POLG: variants seen among roughly 807,000 people sequenced by gnomAD.
POLG encodes DNA polymerase gamma, catalytic subunit, also known as DNA polymerase subunit gamma-1.
In POLG, 110 loss-of-function variants were observed where a neutral mutation model predicts 155.4. The observed-to-expected ratio is 0.71, with a 90% CI of 0.61 to 0.83. The LOEUF (loss-of-function observed/expected upper bound fraction) is 0.83, where lower values mean the gene tolerates loss of function less well. POLG is among the 40% of genes least tolerant of loss of function. POLG has a pLI of 0.00. For missense variants in POLG, 1,685 were observed against 1,627.5 expected, an observed-to-expected ratio of 1.04 and a Z score of -0.61; for synonymous variants, 701 against 631.5, an observed-to-expected ratio of 1.11 and a Z score of -1.65.
chr15:89,333,107 G>C lies in POLG; in HGVS notation c.648C>G (p.Ser216=). 1.3e-6 allele frequency: 2 copies of C among 1,519,292 alleles called. No individual in the cohort carries two copies. Among genetic ancestry groups the C allele is most frequent in the Non-Finnish European group, 1.8e-6 (2 of 1,133,612 alleles). The allele number at this position is 1,519,292 out of a possible 1,614,324, so 94.1% of individuals were successfully genotyped here. A position where few individuals can be genotyped will look rare whatever the true frequency, so the allele number is the denominator to read the frequency against. ...GTCPTLAVAI[S]PSAWYSWCSQ... The stretch of plus-strand genomic sequence containing the variant: ...CTGCCCCTACTTACCAGGCCGAGGG[G>C]GATATGGCCACCGCCAATGTGGGGC... Residue 216 remains serine, a synonymous_variant, in exon 2 of 23, where the codon TCC becomes TCG. Transcript: ENST00000268124.
At position 89,322,461 on chromosome 15, in the gene POLG, T is replaced by C. The variant is rs3176205; in HGVS notation, c.2426+281A>G. 0.36 allele frequency among the ~76,000 whole-genome samples: 54,877 copies of C among 152,164 alleles called. 10,200 individuals carry two copies. The highest frequency in any genetic ancestry group is 0.39 in the Non-Finnish European group (26,823 of 67,970). On this transcript the variant is annotated intron_variant, in intron 14 of 22. Transcript: ENST00000268124. The stretch of plus-strand genomic sequence containing the variant: ...GGGCTTACAGGCCACCAGCTCTCCA[T>C]GGTCCTCAGCCATAGCCCACGGCTC...
At chr15:89,322,697 AAG>A (rs1454644013) in intron 14 of POLG, 43 bp downstream of exon 14, 3 of 1,598,016 alleles carry the variant, frequency 1.9e-6, no homozygotes, top group Middle Eastern at 1.8e-4. Context: ...CCTGGGTGGG[AAG>A]AGAGGGGAAA....
In POLG at chr15:89,333,160, C is replaced by A. The variant is rs780610267; in HGVS notation, c.595G>T (p.Val199Leu). Residue 199 changes from valine to leucine, a missense_variant, in exon 2 of 23, where the codon GTG (valine) becomes TTG (leucine). Transcript: ENST00000268124. Reference sequence around the variant, plus strand: ...GTTCCCTCTGCCAAGCAGACCTCCACGTCGAACACCAGGGCCCGCTCCTCG... The same window carrying A: ...GTTCCCTCTGCCAAGCAGACCTCCAAGTCGAACACCAGGGCCCGCTCCTCG... Reference protein sequence around the residue: ...IPEERALVFDVEVCLAEGTCP... With the variant: ...IPEERALVFDLEVCLAEGTCP... 4.5e-6 allele frequency: 7 copies of A among 1,547,984 alleles called. No homozygotes were observed. The highest frequency in any genetic ancestry group is 4.4e-6 in the Non-Finnish European group (5 of 1,146,634).
chr15:89,330,385 G>C, intron 2 of POLG, 109 bp from the exon 3 acceptor site: 1 of 878,076 alleles, frequency 1.1e-6, no homozygotes, highest in Non-Finnish European at 1.8e-6. Flanking sequence ...TTGGCAGCTG[G>C]GGACACAAGT....
rs2055650044 is a variant in POLG at position 89,334,764 on chromosome 15, G to A, written c.-251C>T. On this transcript the variant is annotated 5_prime_UTR_variant, in exon 1 of 23. Transcript: ENST00000268124. The stretch of plus-strand genomic sequence containing the variant: ...CTTCGCGCGGCCTACGCAGCCTCGG[G>A]GTAGCGTGTGGCCTCCACCCGGCCG... 1 of 152,382 alleles carries A rather than the reference G, an allele frequency of 6.6e-6. No individual in the cohort carries two copies. Among genetic ancestry groups the A allele is most frequent in the Admixed American group, 6.5e-5 (1 of 15,296 alleles). 9.4% of individuals were successfully genotyped at this position (152,382 alleles called of 1,614,324 possible). A position where few individuals can be genotyped will look rare whatever the true frequency, so the allele number is the denominator to read the frequency against.
rs1596353110 is a variant in POLG, at chr15:89,322,020, G to C, written c.2427-5C>G. On this transcript the variant is annotated splice_region_variant and splice_polypyrimidine_tract_variant and intron_variant, in intron 14 of 22. Transcript: ENST00000268124. The stretch of plus-strand genomic sequence containing the variant: ...AGCCACACCACCATCTGGGAGCTGT[G>C]GGGACAGACAACGTGAGGCTCAGCA... The C allele has an allele frequency of 1.2e-6, 2 of 1,613,932 alleles. No homozygotes were observed. The highest frequency in any genetic ancestry group is 8.5e-7 in the Non-Finnish European group (1 of 1,179,804).
chr15:89,328,130 C>A (rs1434820620), intron 6 of POLG, among the ~76,000 whole-genome samples: 1 of 152,094 alleles, frequency 6.6e-6, no homozygotes, highest in Non-Finnish European at 1.5e-5. Flanking sequence ...ATACAAGGGT[C>A]ACTTCATAAG....
chr15:89,319,457 A>G lies in POLG; in HGVS notation c.2982-107T>C, dbSNP rs901850461. 3.5e-6 allele frequency: 5 copies of G among 1,439,424 alleles called. No homozygotes were observed. The African/African-American group carries it at 5.6e-5, about 16-fold the overall frequency. 89.2% of individuals were successfully genotyped at this position (1,439,424 alleles called of 1,614,324 possible). On this transcript the variant is annotated intron_variant, in intron 18 of 22. Coordinates refer to ENST00000268124, the MANE Select transcript of POLG (RefSeq NM_002693.3). ...CACTTCAACTTTTAAAAACACTGAC[A>G]TCATGCCAGTCCCCTAAAGGCTTTT...
In POLG at chr15:89,333,617, CTG is replaced by C. The variant is rs2055628281; in HGVS notation, c.136_137del (p.Gln46AlafsTer197). 20 of 1,601,274 alleles carry C rather than the reference CTG, an allele frequency of 1.2e-5. No individual in the cohort carries two copies. Among genetic ancestry groups the C allele is most frequent in the African/African-American group, 1.1e-4 (8 of 74,724 alleles). Reference sequence around the variant, plus strand: ...GCTGTTGCTGCTGCTGCTGCTGCTGCTGCTGCTGCTGCCGCCGCCGCTGCCCG... The same window carrying C: ...GCTGTTGCTGCTGCTGCTGCTGCTGCCTGCTGCTGCCGCCGCCGCTGCCCG... ...SDGQRRRQQQ[Q>X]QQQQQQQQQP... On this transcript the variant is annotated frameshift_variant, in exon 2 of 23. Transcript: ENST00000268124. LOFTEE classifies it high-confidence loss of function.
rs2307447 is a variant in POLG at position 89,326,688 on chromosome 15, G to C, written c.1636C>G (p.Arg546Gly). Residue 546 changes from arginine to glycine, a missense_variant, in exon 9 of 23, where the codon CGC becomes GGC. Physicochemically the swap from Arg to Gly is moderately radical, Grantham distance 125. Around this residue, in one of 3 missense-constraint regions of POLG, gnomAD observed 1,210 missense variants for 1,167.1 expected, o/e 1.04. Coordinates refer to ENST00000268124, the MANE Select transcript of POLG (RefSeq NM_002693.3). ...EEEFQQDVMA[R>G]ACLQKLKGTT... ...CCCTTCAGCTTCTGCAAGCAGGCGC[G>C]GGCCATGACATCTTGTTGAAACTCC... The C allele has an allele frequency of 4.3e-6, 7 of 1,614,002 alleles. No individual in the cohort carries two copies. In the African/African-American group the frequency reaches 9.3e-5, roughly 22 times the overall value.
Position 89,319,358 on chromosome 15 carries a change from C to T in POLG, c.2982-8G>A. On this transcript the variant is annotated splice_polypyrimidine_tract_variant and splice_region_variant and intron_variant, in intron 18 of 22. Transcript: ENST00000268124. ...TCATCCGACAGCCGATACCTGGGGG[C>T]AGTGTTATCACCATCATTCCACGGG... 6.2e-7 allele frequency: 1 copy of T among 1,613,606 alleles called. No homozygotes were observed. The highest frequency in any genetic ancestry group is 2.2e-5 in the East Asian group (1 of 44,888).
At position 89,325,069 on chromosome 15, in the gene POLG, TGAG is replaced by T. The variant is rs1567189103; in HGVS notation, c.1949+378_1949+380del. Among the ~76,000 whole-genome samples the T allele has an allele frequency of 7.5e-4, 65 of 86,778 alleles. 11 individuals are homozygous for T. Among genetic ancestry groups the T allele is most frequent in the African/African-American group, 4.0e-3 (60 of 14,942 alleles). 56.9% of individuals were successfully genotyped at this position (86,778 alleles called of 152,430 possible). A position where few individuals can be genotyped will look rare whatever the true frequency, so the allele number is the denominator to read the frequency against. On this transcript the variant is annotated intron_variant, in intron 10 of 22. Transcript: ENST00000268124. ...GTGAGTGAGTGAGAGAGTGAGTGAG[TGAG>T]TGAGTGAGTGAGAGAGTGAGTGAGT... is the stretch of plus-strand genomic sequence containing the variant.
chr15:89,330,023 G>C, intron 3 of POLG, 58 bp downstream of exon 3: 11 of 1,433,360 alleles, frequency 7.7e-6, no homozygotes, highest in Non-Finnish European at 1.1e-5. Flanking sequence ...TAACCACTGA[G>C]ATTAGGGCTC....
intron 21 of POLG, chr15:89,317,771 T>G: frequency 1.8e-6 from 1 of 556,670 alleles, no homozygotes; most frequent in Non-Finnish European, 3.2e-6. Flanking sequence ...TTTTTTTTTT[T>G]TCCCAGTTTG....
chr15:89,323,349 G>A (rs2055425412), intron 13 of POLG, 55 bp downstream of exon 13: 1 of 1,117,236 alleles, frequency 9.0e-7, no homozygotes, highest in African/African-American at 1.5e-5. Flanking sequence ...GGCCTGCTGT[G>A]GGCCTTGAGC....
intron 10 of POLG, 115 bp downstream of exon 10, chr15:89,325,335 C>T (rs528707894): frequency 1.7e-5 from 12 of 716,248 alleles, no homozygotes; most frequent in African/African-American, 1.4e-4. Flanking sequence ...TCCTGTTTTC[C>T]CTTCTTCTGA....
In POLG at chr15:89,316,763, C is replaced by A. The variant is rs3087374; in HGVS notation, c.3708G>T (p.Gln1236His). 117,025 of 1,612,344 alleles carry A rather than the reference C, an allele frequency of 0.073. 5,095 individuals carry two copies. The highest frequency in any genetic ancestry group is 0.084 in the Middle Eastern group (508 of 6,054). ...CCTCCAGGCAGTGCTATGGTCCAGG[C>A]TGGCTTCGTTTTTCCAAGGAGCCTT... is the stretch of plus-strand genomic sequence containing the variant. ...LTKGSLEKRS[Q>H]PGP Residue 1236 changes from glutamine to histidine, a missense_variant, in exon 23 of 23, where the codon CAG becomes CAT. By Grantham distance (24) the Gln-to-His change is conservative. Coordinates refer to ENST00000268124, the MANE Select transcript of POLG (RefSeq NM_002693.3).
chr15:89,323,035 T>TCACGCACGCGCGCACG, intron 13 of POLG, 133 bp from the exon 14 acceptor site: 2 of 900,706 alleles, frequency 2.2e-6, no homozygotes, highest in South Asian at 3.1e-5. Flanking sequence ...CCTGATTGTA[T>TCACGCACGCGCGCACG]CACGCACGCG....
chr15:89,329,012 G>T lies in POLG; in HGVS notation c.954C>A (p.Gly318=), dbSNP rs1057357095. The part of the protein sequence containing the change: ...QRSLWIAAKQ[G]KHKVQPPTKQ... The stretch of plus-strand genomic sequence containing the variant: ...TTGTGGGGGGCTGGACCTTGTGTTT[G>T]CCCTGCTTGGCTGCTATCCACAGAC... The change falls in exon 4 of 23, where the codon GGC becomes GGA. Residue 318 remains glycine (G), a synonymous_variant. Coordinates refer to ENST00000268124, the MANE Select transcript of POLG (RefSeq NM_002693.3). The T allele has an allele frequency of 3.7e-6, 6 of 1,613,478 alleles. No individual in the cohort carries two copies. The highest frequency in any genetic ancestry group is 1.3e-5 in the African/African-American group (1 of 75,030).
Sources: allele counts gnomAD v4.1 joint callset (sites outside exome capture counted in the v4.1 genomes callset), GRCh38; gene constraint gnomAD v4.1.1; regional missense constraint gnomAD v4.1.1; transcripts MANE v1.5; gene names NCBI Gene and HGNC (gene_info 2026-07-23, HGNC 2026-07-21).